Variants in HNRNPUL1 observed in about 807,000 individuals in gnomAD.
The protein encoded by HNRNPUL1 is heterogeneous nuclear ribonucleoprotein U-like protein 1.
Under a neutral mutation model 108.5 loss-of-function variants are expected in HNRNPUL1, and 14 were observed. That is an observed-to-expected ratio of 0.13 (90% CI 0.09 to 0.20). The LOEUF (loss-of-function observed/expected upper bound fraction) is 0.20, where lower values mean the gene tolerates loss of function less well. HNRNPUL1 is among the 10% of genes least tolerant of loss of function. The pLI is 1.00. For missense variants in HNRNPUL1, 804 were observed against 1,168.3 expected, an observed-to-expected ratio of 0.69 and a Z score of 4.55; for synonymous variants, 422 against 445.2, an observed-to-expected ratio of 0.95 and a Z score of 0.66.
chr19:41,270,418 T>A (rs575234412), intron 2 of HNRNPUL1, among the ~76,000 whole-genome samples: 33 of 152,164 alleles, frequency 2.2e-4, no homozygotes, highest in East Asian at 5.8e-4. Flanking sequence ...ATTTTTTTTT[T>A]AATTAAATTT....
intron 1 of HNRNPUL1, among the ~76,000 whole-genome samples, chr19:41,266,712 G>T (rs2034871131): frequency 6.6e-6 from 1 of 152,190 alleles, no homozygotes; most frequent in African/African-American, 2.4e-5. Context: ...CTGGGACTTG[G>T]GGCTAAGGGG....
rs766697507 is a variant in HNRNPUL1 at position 41,292,417 on chromosome 19, G to T, written c.1172G>T (p.Cys391Phe). ...FNFGQRAEPY[C>F]SVLPGFTFIQ... ...TTCGGACAGAGAGCAGAGCCCTACT[G>T]TTCTGTCCTCCCGGGGTTTACCTTC... Residue 391 changes from cysteine (C) to phenylalanine (F), a missense_variant, in exon 8 of 15, where the codon TGT becomes TTT. Cys to Phe is a radical substitution (Grantham distance 205, BLOSUM62 -2). Around this residue, in one of 4 missense-constraint regions of HNRNPUL1, gnomAD observed 174 missense variants for 296.6 expected, o/e 0.59. Coordinates refer to ENST00000392006, the MANE Select transcript of HNRNPUL1 (RefSeq NM_007040.6). This position sits in a 1 kb window ranked among gnomAD's most constrained non-coding sequence, Gnocchi z 4.1. 4.3e-6 allele frequency: 7 copies of T among 1,614,232 alleles called. No homozygotes were observed. The highest frequency in any genetic ancestry group is 3.3e-4 in the Middle Eastern group (2 of 6,062).
intron 1 of HNRNPUL1, chr19:41,265,048 G>C: frequency 7.2e-7 from 1 of 1,398,278 alleles, no homozygotes; most frequent in Non-Finnish European, 9.2e-7. Flanking sequence ...GGGGTGGCGG[G>C]GAGGATTCCG....
At position 41,276,155 on chromosome 19, in the gene HNRNPUL1, A is replaced by G; in HGVS notation, c.647-4A>G. 2 of 1,613,952 alleles carry G rather than the reference A, an allele frequency of 1.2e-6. No individual in the cohort carries two copies. Among genetic ancestry groups the G allele is most frequent in the Non-Finnish European group, 1.7e-6 (2 of 1,179,976 alleles). On this transcript the variant is annotated splice_region_variant and splice_polypyrimidine_tract_variant and intron_variant, in intron 4 of 14. Coordinates refer to ENST00000392006, the MANE Select transcript of HNRNPUL1 (RefSeq NM_007040.6). ...CAGCCAACTGTGGGCATTTTCCTTC[A>G]CAGATAACTGCGACCTCCACTTCAA... is the stretch of plus-strand genomic sequence containing the variant.
chr19:41,295,384 A>G (rs544980603), intron 10 of HNRNPUL1, among the ~76,000 whole-genome samples: 93 of 146,078 alleles, frequency 6.4e-4, no homozygotes, highest in East Asian at 5.9e-3. Flanking sequence ...AAAAGAAGGG[A>G]AAAAAAAACA....
chr19:41,285,839 C>T lies in HNRNPUL1; in HGVS notation c.999+4564C>T, dbSNP rs113429004. Among the ~76,000 whole-genome samples, 11 of 152,178 alleles carry T rather than the reference C, an allele frequency of 7.2e-5. 1 individual carries two copies. Among genetic ancestry groups the T allele is most frequent in the African/African-American group, 1.4e-4 (6 of 41,508 alleles). ...GGGATTAGGGGCACCAACCCCCATG[C>T]GGTCAAAAATCCACGTATAGTTTTT... is the stretch of plus-strand genomic sequence containing the variant. On this transcript the variant is annotated intron_variant, in intron 7 of 14. Transcript: ENST00000392006.
upstream of HNRNPUL1, among the ~76,000 whole-genome samples, chr19:41,263,656 C>A (rs975324176): frequency 2.0e-5 from 3 of 152,238 alleles, no homozygotes; most frequent in African/African-American, 7.2e-5. Flanking sequence ...AGATTACGAA[C>A]TGTGTATCCA....
At chr19:41,272,345 C>T (rs1359534281) in intron 3 of HNRNPUL1, 110 bp downstream of exon 3, 5 of 1,122,786 alleles carry the variant, frequency 4.5e-6, no homozygotes, top group Middle Eastern at 6.2e-4. Context: ...TAAAGATTCC[C>T]TCTGCTTTCA....
At chr19:41,302,549 C>A in intron 11 of HNRNPUL1, 116 bp from the exon 12 acceptor site, 1 of 1,289,694 alleles carries the variant, frequency 7.8e-7, no homozygotes. Flanking sequence ...TTCACTATTC[C>A]AGTTTTCTTC....
Position 41,292,424 on chromosome 19 carries a change from C to T in HNRNPUL1, c.1179C>T (p.Val393=). The T allele has an allele frequency of 6.2e-7, 1 of 1,614,190 alleles. No individual in the cohort carries two copies. ...FGQRAEPYCS[V]LPGFTFIQHL... is the part of the protein sequence containing the mutation. The stretch of plus-strand genomic sequence containing the variant: ...AGAGAGCAGAGCCCTACTGTTCTGT[C>T]CTCCCGGGGTTTACCTTCATCCAGC... Residue 393 remains valine (V), a synonymous_variant, in exon 8 of 15, where the codon GTC becomes GTT. Transcript: ENST00000392006. The surrounding 1 kb of genome is among the most constrained non-coding windows in gnomAD (Gnocchi z 4.1).
Position 41,292,605 on chromosome 19 carries a change from C to A in HNRNPUL1, c.1266+94C>A. 6.7e-7 allele frequency: 1 copy of A among 1,491,964 alleles called. No individual in the cohort carries two copies. The highest frequency in any genetic ancestry group is 1.2e-5 in the South Asian group (1 of 82,614). The allele number at this position is 1,491,964 out of a possible 1,614,324, so 92.4% of individuals were successfully genotyped here. A position where few individuals can be genotyped will look rare whatever the true frequency, so the allele number is the denominator to read the frequency against. On this transcript the variant is annotated intron_variant, in intron 8 of 14. Coordinates refer to ENST00000392006, the MANE Select transcript of HNRNPUL1 (RefSeq NM_007040.6). The surrounding 1 kb of genome is among the most constrained non-coding windows in gnomAD (Gnocchi z 4.1). ...ACACACAGACTTGCTGCGAGAGTAG[C>A]CTTGGGGCAAGTGGCCACTTTGTCC... is the stretch of plus-strand genomic sequence containing the variant.
At chr19:41,280,992 T>G in intron 6 of HNRNPUL1, 171 bp from the exon 7 acceptor site, 1 of 567,624 alleles carries the variant, frequency 1.8e-6, no homozygotes, top group Admixed American at 2.9e-5. Context: ...AAGTTCTACA[T>G]CATTAAGGGC....
intron 12 of HNRNPUL1, among the ~76,000 whole-genome samples, chr19:41,303,657 T>C (rs916364838): frequency 3.9e-5 from 6 of 152,112 alleles, no homozygotes; most frequent in African/African-American, 1.4e-4. Flanking sequence ...CCCTGCCAGC[T>C]TCCTCTCCTT....
intron 10 of HNRNPUL1, among the ~76,000 whole-genome samples, chr19:41,298,240 T>C (rs2037000286): frequency 6.6e-6 from 1 of 152,148 alleles, no homozygotes. Context: ...ACTCCCCATA[T>C]AGCTTCTCTG....
intron 7 of HNRNPUL1, among the ~76,000 whole-genome samples, chr19:41,291,442 T>C (rs1568449292): frequency 6.6e-6 from 1 of 152,168 alleles, no homozygotes; most frequent in Non-Finnish European, 1.5e-5. Flanking sequence ...GTTATATTCA[T>C]AGACTGCCCT....
At chr19:41,264,347 GA>G, upstream of HNRNPUL1, 3 of 551,270 alleles carry the variant, frequency 5.4e-6, no homozygotes, top group South Asian at 5.1e-5. Flanking sequence ...AGGCACGAGT[GA>G]GGGGGGAGGC....
At chr19:41,279,235 T>A in intron 6 of HNRNPUL1, 59 bp downstream of exon 6, 1 of 1,197,092 alleles carries the variant, frequency 8.4e-7, no homozygotes, top group Non-Finnish European at 1.2e-6. Flanking sequence ...ACCCTTGGAT[T>A]TTCAAGGCTC....
intron 10 of HNRNPUL1, among the ~76,000 whole-genome samples, chr19:41,296,183 T>A (rs2036884487): frequency 1.3e-5 from 2 of 152,232 alleles, no homozygotes; most frequent in South Asian, 4.1e-4. Flanking sequence ...ATTTCAAATA[T>A]GTGGCCTAGG....
intron 2 of HNRNPUL1, among the ~76,000 whole-genome samples, chr19:41,268,984 A>G (rs2035038691): frequency 6.6e-6 from 1 of 152,106 alleles, no homozygotes; most frequent in Non-Finnish European, 1.5e-5. Flanking sequence ...CTAATCTGGT[A>G]TTTCTCATGT....
Sources: gnomAD v4.1 joint callset for allele counts (sites outside exome capture counted in the v4.1 genomes callset) on GRCh38, gnomAD v4.1.1 for gene constraint, gnomAD v4.1.1 regional missense constraint, Gnocchi (gnomAD v3.1) non-coding constraint, MANE v1.5 for transcripts, NCBI Gene and HGNC (gene_info 2026-07-23, HGNC 2026-07-21) for gene names.